Variants in IFIH1 observed in about 807,000 individuals in gnomAD.
IFIH1 encodes interferon induced with helicase C domain 1.
In IFIH1, 125 loss-of-function variants were observed where a neutral mutation model predicts 107.4. That is an observed-to-expected ratio of 1.16 (90% CI 1.01 to 1.35). The LOEUF (loss-of-function observed/expected upper bound fraction) is 1.35, where lower values mean the gene tolerates loss of function less well. Ranked by LOEUF, IFIH1 falls within the 40% of genes most tolerant of loss-of-function variation. The pLI, the probability that IFIH1 is intolerant of heterozygous loss-of-function variation, is 0.00. For synonymous variants in IFIH1, 458 were observed against 413.2 expected (o/e 1.11, Z -1.31); for missense variants, 1,333 against 1,213.7 (o/e 1.10, Z -1.46).
intron 3 of IFIH1, among the ~76,000 whole-genome samples, chr2:162,298,229 C>T (rs539632471): frequency 4.7e-4 from 72 of 152,162 alleles, no homozygotes; most frequent in Non-Finnish European, 8.8e-4. Context: ...TGCTTCTATT[C>T]CTACCAGGTA....
chr2:162,277,364 A>G (rs763082134), intron 10 of IFIH1, 51 bp downstream of exon 10: 2 of 1,292,098 alleles, frequency 1.5e-6, no homozygotes, highest in South Asian at 1.3e-5. Flanking sequence ...CAGTAAGTTC[A>G]TGTTGAAAAG....
chr2:162,306,770 C>G lies in IFIH1; in HGVS notation c.708G>C (p.Glu236Asp). ...ATGAGTTATTCTCCATGCCCCAGAC[C>G]TCCTTCTCCAGATTTGGCTGAACTG... ...STTVQPNLEK[E>D]VWGMENNSSE... Residue 236 changes from glutamate to aspartate, a missense_variant, in exon 3 of 16, where the codon GAG (glutamate) becomes GAC (aspartate). Transcript: ENST00000649979. The G allele has an allele frequency of 6.2e-7, 1 of 1,613,932 alleles. No homozygotes were observed. Among genetic ancestry groups the G allele is most frequent in the South Asian group, 1.1e-5 (1 of 91,074 alleles).
intron 5 of IFIH1, among the ~76,000 whole-genome samples, chr2:162,287,098 G>A (rs1363472693): frequency 2.0e-5 from 3 of 151,808 alleles, no homozygotes; most frequent in African/African-American, 7.3e-5. Flanking sequence ...ATAAATAAAA[G>A]TGTTTTAATA....
In IFIH1 at chr2:162,273,531, C is replaced by T. The variant is rs117998196; in HGVS notation, c.2454+264G>A. ...TGACTCTTACAAATGGGGCTAGTGT[C>T]ATGGTCCTGGAAAGCCTTAGGGTAC... On this transcript the variant is annotated intron_variant, in intron 12 of 15. Coordinates refer to ENST00000649979, the MANE Select transcript of IFIH1 (RefSeq NM_022168.4). 6.6e-4 allele frequency among the ~76,000 whole-genome samples: 101 copies of T among 152,254 alleles called. 2 individuals carry two copies. In the East Asian group the frequency reaches 0.017, roughly 25 times the overall value.
intron 3 of IFIH1, among the ~76,000 whole-genome samples, chr2:162,295,404 T>G (rs1683069384): frequency 6.6e-6 from 1 of 152,042 alleles, no homozygotes; most frequent in South Asian, 2.1e-4. Flanking sequence ...TGCTGACTAG[T>G]ATTCCACTGA....
intron 1 of IFIH1, among the ~76,000 whole-genome samples, chr2:162,312,120 T>C (rs1306392482): frequency 3.9e-5 from 6 of 152,248 alleles, no homozygotes; most frequent in African/African-American, 7.2e-5. Context: ...TACAAATTTA[T>C]GTATTTTCTA....
At chr2:162,311,438 A>G (rs1646617974) in intron 1 of IFIH1, among the ~76,000 whole-genome samples, 1 of 151,810 alleles carries the variant, frequency 6.6e-6, no homozygotes, top group Non-Finnish European at 1.5e-5. Context: ...ACTACTGCAG[A>G]TTTATATTTT....
rs146500515 is a variant in IFIH1 at position 162,291,364 on chromosome 2, C to G, written c.874+2200G>C. ...TGTAACCACAGAAAAATACACCATTCCAGCTGGACAAATATTAATAGGCAT... is the reference window on the plus strand; with the variant it reads ...TGTAACCACAGAAAAATACACCATTGCAGCTGGACAAATATTAATAGGCAT... On this transcript the variant is annotated intron_variant, in intron 4 of 15. Transcript: ENST00000649979. Among the ~76,000 whole-genome samples, 670 of 151,746 alleles carry G rather than the reference C, an allele frequency of 4.4e-3. 3 individuals are homozygous for G. The highest frequency in any genetic ancestry group is 0.015 in the African/African-American group (624 of 41,468).
intron 2 of IFIH1, among the ~76,000 whole-genome samples, chr2:162,309,710 T>C (rs1398643890): frequency 6.6e-6 from 1 of 152,242 alleles, no homozygotes; most frequent in East Asian, 1.9e-4. Context: ...TTTTGCCATA[T>C]GGATAGGCTG....
intron 2 of IFIH1, chr2:162,307,114 T>C: frequency 3.1e-6 from 1 of 321,404 alleles, no homozygotes; most frequent in Non-Finnish European, 5.7e-6. Flanking sequence ...TATATTTTAA[T>C]ATGTTGACAT....
intron 3 of IFIH1, among the ~76,000 whole-genome samples, chr2:162,303,467 CAT>C (rs1385721481): frequency 1.3e-5 from 2 of 152,122 alleles, no homozygotes; most frequent in African/African-American, 4.8e-5. Flanking sequence ...CAGATAGAGT[CAT>C]ATTAGGCTCC....
intron 13 of IFIH1, among the ~76,000 whole-genome samples, chr2:162,270,301 T>C (rs1188595370): frequency 6.6e-6 from 1 of 152,218 alleles, no homozygotes; most frequent in Non-Finnish European, 1.5e-5. Context: ...TGATTTAATT[T>C]TAAGAAGCTC....
Position 162,280,034 on chromosome 2 carries a change from G to C in IFIH1, c.1603C>G (p.Pro535Ala). 1.2e-6 allele frequency: 2 copies of C among 1,610,508 alleles called. No homozygotes were observed. Among genetic ancestry groups the C allele is most frequent in the Non-Finnish European group, 1.7e-6 (2 of 1,177,292 alleles). The change falls in exon 8 of 16, where the codon CCA becomes GCA. Residue 535 changes from proline to alanine, a missense_variant. Physicochemically the swap from Pro to Ala is conservative, Grantham distance 27. Transcript: ENST00000649979. Reference sequence around the variant, plus strand: ...TCTGCAATGGCAAACTTCTTGCATGGCTCCTGTATTTGGTTTTTCAGTTGA... The same window carrying C: ...TCTGCAATGGCAAACTTCTTGCATGCCTCCTGTATTTGGTTTTTCAGTTGA... Reference protein sequence around the residue: ...LDQLKNQIQEPCKKFAIADAT... With the variant: ...LDQLKNQIQEACKKFAIADAT...
At chr2:162,311,001 C>T in intron 1 of IFIH1, 68 bp from the exon 2 acceptor site, 3 of 1,247,872 alleles carry the variant, frequency 2.4e-6, no homozygotes, top group South Asian at 1.4e-5. Context: ...ACAGGAAATA[C>T]CCTTTAGAAA....
chr2:162,318,297 CCATTCGA>C lies in IFIH1; in HGVS notation c.4_10del (p.Ser2GlyfsTer19). 1.9e-6 allele frequency: 3 copies of C among 1,610,760 alleles called. No individual in the cohort carries two copies. Among genetic ancestry groups the C allele is most frequent in the Non-Finnish European group, 2.5e-6 (3 of 1,177,328 alleles). On this transcript the variant is annotated frameshift_variant, in exon 1 of 16. Coordinates refer to ENST00000649979, the MANE Select transcript of IFIH1 (RefSeq NM_022168.4). LOFTEE classifies it high-confidence loss of function. Reference sequence around the variant, plus strand: ...GCGGAAATTCTCGTCTGTGGAATACCCATTCGACATCTTTCTTTCTCAGAGAAGGGAG... The same window carrying C: ...GCGGAAATTCTCGTCTGTGGAATACCCATCTTTCTTTCTCAGAGAAGGGAG...
At position 162,276,909 on chromosome 2, in the gene IFIH1, T is replaced by C. The variant is rs1455816603; in HGVS notation, c.2082A>G (p.Pro694=). ...TGGTCAGCTTTTCATTTTCATATTC[T>C]GGGTTTTCAGCCAGCCTTTTCAACA... ...NKMLKRLAEN[P]EYENEKLTKL... The change falls in exon 11 of 16, where the codon CCA becomes CCG. Residue 694 remains proline, a synonymous_variant. Transcript: ENST00000649979. 6.2e-7 allele frequency: 1 copy of C among 1,610,696 alleles called. No homozygotes were observed. The highest frequency in any genetic ancestry group is 8.5e-7 in the Non-Finnish European group (1 of 1,178,990).
At chr2:162,270,326 T>C (rs186104860) in intron 13 of IFIH1, among the ~76,000 whole-genome samples, 1 of 152,350 alleles carries the variant, frequency 6.6e-6, no homozygotes, top group East Asian at 1.9e-4. Context: ...ATGTTTAAAC[T>C]GTGTTTATGA....
At chr2:162,293,221 G>A (rs1235919609) in intron 4 of IFIH1, among the ~76,000 whole-genome samples, 1 of 151,766 alleles carries the variant, frequency 6.6e-6, no homozygotes, top group African/African-American at 2.4e-5. Context: ...AGTAGAATTT[G>A]GAAGTAAATA....
At chr2:162,299,116 A>G (rs928643523) in intron 3 of IFIH1, among the ~76,000 whole-genome samples, 5 of 152,208 alleles carry the variant, frequency 3.3e-5, no homozygotes, top group Non-Finnish European at 7.3e-5. Context: ...CTTTGCACTT[A>G]GGTTCTAATA....
Sources: gnomAD v4.1 joint callset for allele counts (sites outside exome capture counted in the v4.1 genomes callset) on GRCh38, gnomAD v4.1.1 for gene constraint, MANE v1.5 for transcripts, NCBI Gene and HGNC (gene_info 2026-07-23, HGNC 2026-07-21) for gene names.